Variants in SLC18A2 observed in about 807,000 individuals in gnomAD.
The protein encoded by SLC18A2 is synaptic vesicular amine transporter.
Under a neutral mutation model 59.2 loss-of-function variants are expected in SLC18A2, and 33 were observed. The observed-to-expected ratio is 0.56, with a 90% CI of 0.42 to 0.75. The LOEUF (loss-of-function observed/expected upper bound fraction) is 0.75. Ranked by LOEUF, SLC18A2 falls within the 30% of genes least tolerant of loss-of-function variation. The probability of loss-of-function intolerance (pLI) is 0.00; values close to 1 mark genes in which losing one functional copy is unlikely to be tolerated. For synonymous variants in SLC18A2, 228 were observed against 253.5 expected, an observed-to-expected ratio of 0.90 and a Z score of 0.95; for missense variants, 569 against 668.6, an observed-to-expected ratio of 0.85 and a Z score of 1.64.
Position 117,255,437 on chromosome 10 carries a change from C to A in SLC18A2, c.791-42C>A, listed in dbSNP as rs363343. ...CTGGCACGCGCTTGGGCCACACCTG[C>A]TTTCTGAAGAGGGGCTTGTCTTTTT... On this transcript the variant is annotated intron_variant, in intron 7 of 15. Transcript: ENST00000644641. 0.79 allele frequency: 1,270,433 copies of A among 1,613,468 alleles called. 506,248 individuals are homozygous for A. The highest frequency in any genetic ancestry group is 0.82 in the Middle Eastern group (4,990 of 6,060).
At chr10:117,253,346 C>A in intron 3 of SLC18A2, 53 bp from the exon 4 acceptor site, 1 of 1,349,422 alleles carries the variant, frequency 7.4e-7, no homozygotes, top group Non-Finnish European at 1.1e-6. Flanking sequence ...AATATAAAGC[C>A]TTAAAAAAAT....
rs201528859 is a variant in SLC18A2 at position 117,269,097 on chromosome 10, G to GCATA, written c.1187-963_1187-960dup. The stretch of plus-strand genomic sequence containing the variant: ...TACACAAATATACATACACACATAT[G>GCATA]CATACATACATACACGTAGATACAC... On this transcript the variant is annotated intron_variant, in intron 13 of 15. Transcript: ENST00000644641. This position sits in a 1 kb window ranked among gnomAD's most constrained non-coding sequence, Gnocchi z 5.1. 6.7e-6 allele frequency among the ~76,000 whole-genome samples: 1 copy of GCATA among 149,474 alleles called. No homozygotes were observed. The highest frequency in any genetic ancestry group is 1.5e-5 in the Non-Finnish European group (1 of 67,488).
intron 3 of SLC18A2, among the ~76,000 whole-genome samples, chr10:117,251,296 T>A (rs190119291): frequency 6.6e-6 from 1 of 152,164 alleles, no homozygotes; most frequent in Non-Finnish European, 1.5e-5. Context: ...GCCTGTGAGT[T>A]CTCCTCTCTG....
At chr10:117,264,271 C>T (rs1033663191) in intron 10 of SLC18A2, among the ~76,000 whole-genome samples, 2 of 152,228 alleles carry the variant, frequency 1.3e-5, no homozygotes, top group Non-Finnish European at 2.9e-5. Context: ...TGTTGCAGGC[C>T]AGTCCCAGCC....
intron 10 of SLC18A2, among the ~76,000 whole-genome samples, chr10:117,264,987 C>T (rs1345564669): frequency 6.6e-6 from 1 of 152,202 alleles, no homozygotes; most frequent in Non-Finnish European, 1.5e-5. Flanking sequence ...CTTCAAAACA[C>T]TTGCGTCAGG....
chr10:117,262,619 T>C (rs1414427156), intron 10 of SLC18A2, among the ~76,000 whole-genome samples: 2 of 152,072 alleles, frequency 1.3e-5, no homozygotes, highest in Non-Finnish European at 2.9e-5. Context: ...CACTGCTGAG[T>C]CCAGCTGCTG....
intron 10 of SLC18A2, among the ~76,000 whole-genome samples, chr10:117,260,245 AG>A (rs769618574): frequency 3.1e-4 from 47 of 152,254 alleles, no homozygotes; most frequent in South Asian, 1.9e-3. Context: ...CTGGAGTGCT[AG>A]GGGCCCCACT....
rs993552025 is a variant in SLC18A2 at position 117,266,920 on chromosome 10, T to C, written c.1071-64T>C. ...TTACAAGTAATTGTTTTGATTTTCA[T>C]TGAAAATTTGGACTAGAAAAAAATC... On this transcript the variant is annotated intron_variant, in intron 11 of 15. Coordinates refer to ENST00000644641, the MANE Select transcript of SLC18A2 (RefSeq NM_003054.6). 8.9e-6 allele frequency: 14 copies of C among 1,581,014 alleles called. No homozygotes were observed. In the African/African-American group the frequency reaches 9.5e-5, roughly 11 times the overall value.
chr10:117,270,100 A>G lies in SLC18A2; in HGVS notation c.1216A>G (p.Met406Val), dbSNP rs981732556. ...GGTGGATTCGTCAATGATGCCTATC[A>G]TGGGCTACCTCGTAGACCTGCGGCA... is the stretch of plus-strand genomic sequence containing the variant. ...GMVDSSMMPI[M>V]GYLVDLRHVS... Residue 406 changes from methionine to valine, a missense_variant, in exon 14 of 16, where the codon ATG (methionine) becomes GTG (valine). Physicochemically the swap from Met to Val is conservative, Grantham distance 21. Transcript: ENST00000644641. 6.2e-7 allele frequency: 1 copy of G among 1,614,122 alleles called. No individual in the cohort carries two copies. The highest frequency in any genetic ancestry group is 1.3e-5 in the African/African-American group (1 of 74,952).
intron 10 of SLC18A2, 44 bp from the exon 11 acceptor site, chr10:117,266,689 A>G: frequency 1.4e-6 from 2 of 1,402,522 alleles, no homozygotes; most frequent in Non-Finnish European, 2.0e-6. Flanking sequence ...CTAACATATG[A>G]CTGATATCAG....
intron 15 of SLC18A2, among the ~76,000 whole-genome samples, chr10:117,273,337 A>T (rs1844448157): frequency 6.6e-6 from 1 of 152,134 alleles, no homozygotes; most frequent in African/African-American, 2.4e-5. Flanking sequence ...GTAGCGCTTC[A>T]CTCTCAAAAT....
chr10:117,273,346 A>C (rs1844448291), intron 15 of SLC18A2, among the ~76,000 whole-genome samples: 1 of 152,254 alleles, frequency 6.6e-6, no homozygotes, highest in Non-Finnish European at 1.5e-5. Flanking sequence ...CACTCTCAAA[A>C]TTCCCAGTTG....
Position 117,249,566 on chromosome 10 carries a change from T to C in SLC18A2, c.465-3833T>C, listed in dbSNP as rs535707909. 2.6e-5 allele frequency among the ~76,000 whole-genome samples: 4 copies of C among 152,352 alleles called. No homozygotes were observed. In the East Asian group the frequency reaches 5.8e-4, roughly 22 times the overall value. ...TGTTGTCTCTCGTTGCATCTGGTGA[T>C]AGTTTGCACCCTTCGGGGCTCTGTA... On this transcript the variant is annotated intron_variant, in intron 3 of 15. Coordinates refer to ENST00000644641, the MANE Select transcript of SLC18A2 (RefSeq NM_003054.6).
chr10:117,247,969 G>GTTTA (rs963392750), intron 3 of SLC18A2, among the ~76,000 whole-genome samples: 10 of 152,094 alleles, frequency 6.6e-5, no homozygotes, highest in African/African-American at 2.2e-4. Flanking sequence ...TAGGCCGCCT[G>GTTTA]TTTATTTATT....
In SLC18A2 at chr10:117,244,269, C is replaced by T. The variant is rs931830645; in HGVS notation, c.420C>T (p.Thr140=). 4.3e-6 allele frequency: 7 copies of T among 1,614,176 alleles called. No individual in the cohort carries two copies. Among genetic ancestry groups the T allele is most frequent in the South Asian group, 2.2e-5 (2 of 91,082 alleles). The change falls in exon 3 of 16, where the codon ACC becomes ACT. Residue 140 remains threonine, a synonymous_variant. Coordinates refer to ENST00000644641, the MANE Select transcript of SLC18A2 (RefSeq NM_003054.6). ...GTCTGTTGTTTGCCTCGAAAGCCAC[C>T]GTCCAGCTCATCACCAACCCTTTCA... The part of the protein sequence containing the change: ...QVGLLFASKA[T]VQLITNPFIG...
chr10:117,247,041 G>A (rs363395), intron 3 of SLC18A2, among the ~76,000 whole-genome samples: 2,220 of 152,342 alleles, frequency 0.015, 28 homozygotes, highest in Middle Eastern at 0.041. Context: ...GGACTGGGCA[G>A]CTCTTCTGGA....
intron 15 of SLC18A2, among the ~76,000 whole-genome samples, chr10:117,276,319 A>G (rs1844489896): frequency 2.0e-5 from 3 of 152,008 alleles, no homozygotes; most frequent in Admixed American, 6.6e-5. Flanking sequence ...GCCTGTGAAG[A>G]TATCAGAACT....
chr10:117,261,012 C>A (rs1307014278), intron 10 of SLC18A2, among the ~76,000 whole-genome samples: 2 of 152,116 alleles, frequency 1.3e-5, no homozygotes, highest in African/African-American at 2.4e-5. Flanking sequence ...TGGAGCTGAG[C>A]TTAAAATGGT....
At chr10:117,254,789 A>G (rs2133733825) in intron 6 of SLC18A2, among the ~76,000 whole-genome samples, 1 of 152,282 alleles carries the variant, frequency 6.6e-6, no homozygotes, top group Admixed American at 6.5e-5. Context: ...GGGAACATTC[A>G]GTGAGTTGTG....
Sources: gnomAD v4.1 joint callset for allele counts (sites outside exome capture counted in the v4.1 genomes callset) on GRCh38, gnomAD v4.1.1 for gene constraint, Gnocchi (gnomAD v3.1) non-coding constraint, MANE v1.5 for transcripts, NCBI Gene and HGNC (gene_info 2026-07-23, HGNC 2026-07-21) for gene names.